Variants in KATNIP observed in about 807,000 individuals in gnomAD.
KATNIP encodes the protein katanin interacting protein.
In KATNIP, 126 loss-of-function variants were observed where a neutral mutation model predicts 174.0. The observed-to-expected ratio is 0.72, with a 90% CI of 0.63 to 0.84. The LOEUF is 0.84. Ranked by LOEUF, KATNIP falls within the 40% of genes least tolerant of loss-of-function variation. The pLI is 0.00. For missense variants in KATNIP, 1,958 were observed against 2,109.7 expected (o/e 0.93, Z 1.41); for synonymous variants, 810 against 835.7 (o/e 0.97, Z 0.53).
chr16:27,552,377 C>CTTTTTTT (rs1167836198), intron 1 of KATNIP, among the ~76,000 whole-genome samples: 9 of 135,072 alleles, frequency 6.7e-5, no homozygotes, highest in Non-Finnish European at 1.3e-4. Context: ...TTTCTTTTTT[C>CTTTTTTT]TTTTTTTTTT....
At chr16:27,629,747 C>G (rs899527247) in intron 4 of KATNIP, among the ~76,000 whole-genome samples, 7 of 152,212 alleles carry the variant, frequency 4.6e-5, no homozygotes, top group African/African-American at 1.7e-4. Context: ...GACATGGTGG[C>G]TCAGGCCTGT....
chr16:27,646,517 C>T (rs1200924435), intron 5 of KATNIP, among the ~76,000 whole-genome samples: 2 of 152,128 alleles, frequency 1.3e-5, no homozygotes, highest in East Asian at 3.9e-4. Flanking sequence ...GGAAATTGGG[C>T]CCCAGAGGAA....
At chr16:27,626,912 C>A (rs1206990799) in intron 3 of KATNIP, among the ~76,000 whole-genome samples, 1 of 151,758 alleles carries the variant, frequency 6.6e-6, no homozygotes, top group African/African-American at 2.4e-5. Context: ...TTGCAGTGAG[C>A]CGAGATCGCA....
chr16:27,612,365 A>G (rs2075915209), intron 2 of KATNIP, among the ~76,000 whole-genome samples: 1 of 152,174 alleles, frequency 6.6e-6, no homozygotes, highest in South Asian at 2.1e-4. Flanking sequence ...ATATGACTGT[A>G]GCTGGGGGTG....
chr16:27,716,587 T>C (rs2143011091), intron 13 of KATNIP, among the ~76,000 whole-genome samples: 1 of 152,350 alleles, frequency 6.6e-6, no homozygotes, highest in South Asian at 2.1e-4. Flanking sequence ...ATTGGTATAA[T>C]GTACAGACCT....
At chr16:27,743,657 C>T (rs1481206341) in intron 15 of KATNIP, among the ~76,000 whole-genome samples, 1 of 152,148 alleles carries the variant, frequency 6.6e-6, no homozygotes, top group African/African-American at 2.4e-5. Flanking sequence ...GGCTCTGGTC[C>T]AGGCACGTTA....
intron 19 of KATNIP, 74 bp from the exon 20 acceptor site, chr16:27,766,235 G>A: frequency 6.5e-7 from 1 of 1,538,146 alleles, no homozygotes. Flanking sequence ...GGGGCCGAGG[G>A]GGTGGGGGCC....
At chr16:27,609,281 G>A (rs2075813346) in intron 2 of KATNIP, among the ~76,000 whole-genome samples, 1 of 151,850 alleles carries the variant, frequency 6.6e-6, no homozygotes, top group Non-Finnish European at 1.5e-5. Flanking sequence ...TGCAGGGAGG[G>A]ACACAGGAGA....
chr16:27,693,420 G>A (rs1028618925), intron 8 of KATNIP, among the ~76,000 whole-genome samples: 7 of 151,916 alleles, frequency 4.6e-5, no homozygotes, highest in African/African-American at 1.2e-4. Context: ...ATGGAGTCTC[G>A]CTCTGTGGCC....
intron 1 of KATNIP, among the ~76,000 whole-genome samples, chr16:27,551,209 G>A (rs1024785715): frequency 2.0e-5 from 3 of 152,180 alleles, no homozygotes; most frequent in Non-Finnish European, 2.9e-5. Flanking sequence ...GGTAGGGTCT[G>A]GGCTAGAGTC....
At chr16:27,554,438 C>T (rs2089524774) in intron 1 of KATNIP, among the ~76,000 whole-genome samples, 3 of 152,180 alleles carry the variant, frequency 2.0e-5, no homozygotes, top group Admixed American at 1.3e-4. Context: ...GTATTGCAGC[C>T]TGGGCAACAG....
intron 15 of KATNIP, among the ~76,000 whole-genome samples, chr16:27,749,251 C>T (rs1212723364): frequency 6.6e-6 from 1 of 152,228 alleles, no homozygotes; most frequent in African/African-American, 2.4e-5. Context: ...TTTGCAAAAA[C>T]AACCAGATTC....
In KATNIP at chr16:27,656,457, A is replaced by G. The variant is rs555888319; in HGVS notation, c.540+7722A>G. On this transcript the variant is annotated intron_variant, in intron 6 of 27. Transcript: ENST00000261588. ...AAAAAAAAAGGAAGAAAAAAAAGTC[A>G]GTAGCATGAGAGACAAAGGGCACTG... 1.8e-4 allele frequency among the ~76,000 whole-genome samples: 28 copies of G among 151,396 alleles called. 1 individual carries two copies. In the South Asian group the frequency reaches 5.4e-3, roughly 29 times the overall value.
chr16:27,616,681 C>T (rs938201013), intron 2 of KATNIP, among the ~76,000 whole-genome samples: 11 of 150,158 alleles, frequency 7.3e-5, no homozygotes, highest in East Asian at 2.0e-4. Context: ...GAGCTGAGAT[C>T]GCGCCACTGC....
chr16:27,695,126 A>G (rs571019066), intron 8 of KATNIP, among the ~76,000 whole-genome samples: 1 of 152,296 alleles, frequency 6.6e-6, no homozygotes, highest in East Asian at 1.9e-4. Context: ...ATCTGACCAC[A>G]TTCTGTGTCC....
At position 27,704,983 on chromosome 16, in the gene KATNIP, T is replaced by C. The variant is rs563669755; in HGVS notation, c.1389+985T>C. ...TGGAGTGCAGTGGCACCATCTTGGC[T>C]CATGGCAACCTCTGCCTCCCAGGTT... On this transcript the variant is annotated intron_variant, in intron 12 of 27. Transcript: ENST00000261588. 1.3e-4 allele frequency among the ~76,000 whole-genome samples: 19 copies of C among 149,756 alleles called. No homozygotes were observed. In the South Asian group the frequency reaches 4.1e-3, roughly 32 times the overall value.
intron 22 of KATNIP, among the ~76,000 whole-genome samples, chr16:27,772,642 A>G (rs895639707): frequency 5.9e-5 from 9 of 152,204 alleles, no homozygotes; most frequent in African/African-American, 1.9e-4. Flanking sequence ...CTTGAAAGGG[A>G]TGGAGGAGGT....
intron 5 of KATNIP, among the ~76,000 whole-genome samples, chr16:27,646,933 AGAG>A (rs1378889084): frequency 6.6e-6 from 1 of 152,220 alleles, no homozygotes; most frequent in Non-Finnish European, 1.5e-5. Flanking sequence ...TGCAGCTGGC[AGAG>A]GAAGCTGCAG....
intron 1 of KATNIP, among the ~76,000 whole-genome samples, chr16:27,559,743 G>C (rs2089781505): frequency 1.3e-5 from 2 of 151,830 alleles, no homozygotes; most frequent in Non-Finnish European, 2.9e-5. Flanking sequence ...CACTTTGGGA[G>C]GCCGAGGCAG....
Sources: allele counts gnomAD v4.1 joint callset (sites outside exome capture counted in the v4.1 genomes callset), GRCh38; gene constraint gnomAD v4.1.1; transcripts MANE v1.5; gene names NCBI Gene and HGNC (gene_info 2026-07-23, HGNC 2026-07-21).